The following ITGA3 variants were observed in gnomAD, a reference collection of about 807,000 sequenced individuals.
ITGA3 encodes the protein integrin subunit alpha 3.
Under a neutral mutation model 131.1 loss-of-function variants are expected in ITGA3, and 70 were observed. The ratio of observed to expected loss-of-function variants is 0.53; its 90% CI spans 0.44 to 0.65. The LOEUF is 0.65. ITGA3 is among the 30% of genes least tolerant of loss of function. The pLI, the probability that ITGA3 is intolerant of heterozygous loss-of-function variation, is 0.00. For missense variants in ITGA3, 1,098 were observed against 1,388.6 expected (o/e 0.79, Z 3.33); for synonymous variants, 537 against 571.6 (o/e 0.94, Z 0.86).
chr17:50,058,057 C>A (rs1452101538), intron 1 of ITGA3, among the ~76,000 whole-genome samples: 1 of 152,262 alleles, frequency 6.6e-6, no homozygotes, highest in Non-Finnish European at 1.5e-5. Context: ...GATTTTCAGA[C>A]TTTCAATGCC....
In ITGA3 at chr17:50,090,057, TAC is replaced by T. The variant is rs1226857973; in HGVS notation, c.*981_*982del. On this transcript the variant is annotated 3_prime_UTR_variant, in exon 26 of 26. Coordinates refer to ENST00000320031, the MANE Select transcript of ITGA3 (RefSeq NM_002204.4). ...TCTGGACAGACAGATGTTGGGAGGA[TAC>T]AGAGGAGATGCCACTTCTCACTCAC... 5 of 325,108 alleles carry T rather than the reference TAC, an allele frequency of 1.5e-5. No individual in the cohort carries two copies. The highest frequency in any genetic ancestry group is 6.3e-6 in the Non-Finnish European group (1 of 158,386). The allele number at this position is 325,108 out of a possible 1,614,324, so 20.1% of individuals were successfully genotyped here.
intron 14 of ITGA3, 104 bp downstream of exon 14, chr17:50,076,785 A>C: frequency 1.6e-6 from 2 of 1,237,766 alleles, no homozygotes; most frequent in South Asian, 1.2e-5. Flanking sequence ...GCCCAGGGAC[A>C]GGGCTTTAGC....
chr17:50,076,902 G>A (rs1245047890), intron 14 of ITGA3, 72 bp from the exon 15 acceptor site: 26 of 1,522,372 alleles, frequency 1.7e-5, no homozygotes, highest in Non-Finnish European at 2.3e-5. Context: ...AGACCCCAGG[G>A]GCGGGGCCTA....
At chr17:50,073,604 AC>A in intron 7 of ITGA3, among the ~76,000 whole-genome samples, 1 of 135,778 alleles carries the variant, frequency 7.4e-6, no homozygotes, top group African/African-American at 2.9e-5. Context: ...ACACACACAC[AC>A]ACACACACAC....
In ITGA3 at chr17:50,089,372, C is replaced by A; in HGVS notation, c.*294C>A. The A allele has an allele frequency of 2.2e-6, 2 of 909,210 alleles. No individual in the cohort carries two copies. The highest frequency in any genetic ancestry group is 3.4e-6 in the Non-Finnish European group (2 of 595,960). The allele number at this position is 909,210 out of a possible 1,614,324, so 56.3% of individuals were successfully genotyped here. Reference sequence around the variant, plus strand: ...AGGGGCCACCACCTTTGGCTGGTAGCAGCAGGCTCAGGCACATACACCTCG... The same window carrying A: ...AGGGGCCACCACCTTTGGCTGGTAGAAGCAGGCTCAGGCACATACACCTCG... On this transcript the variant is annotated 3_prime_UTR_variant, in exon 26 of 26. Coordinates refer to ENST00000320031, the MANE Select transcript of ITGA3 (RefSeq NM_002204.4).
intron 23 of ITGA3, 61 bp from the exon 24 acceptor site, chr17:50,087,682 GA>G: frequency 6.4e-7 from 1 of 1,554,564 alleles, no homozygotes; most frequent in Non-Finnish European, 8.8e-7. Context: ...GCTAGGATAG[GA>G]AGGGTGAGGA....
intron 23 of ITGA3, among the ~76,000 whole-genome samples, 198 bp downstream of exon 23, chr17:50,081,606 T>C (rs1909189194): frequency 6.6e-6 from 1 of 152,172 alleles, no homozygotes; most frequent in Non-Finnish European, 1.5e-5. Flanking sequence ...GATTCCGGGA[T>C]TGCTGTGTTT....
intron 13 of ITGA3, 43 bp from the exon 14 acceptor site, chr17:50,076,541 T>A: frequency 6.3e-7 from 1 of 1,585,868 alleles, no homozygotes; most frequent in Non-Finnish European, 8.6e-7. Flanking sequence ...GAGAGGGCAC[T>A]GGGGGGGGTG....
Position 50,064,469 on chromosome 17 carries a change from CTT to C in ITGA3, c.335-57_335-56del, listed in dbSNP as rs986971960. The C allele has an allele frequency of 7.2e-6, 11 of 1,525,466 alleles. No individual in the cohort carries two copies. The Admixed American group carries it at 1.7e-4, about 24-fold the overall frequency. The allele number at this position is 1,525,466 out of a possible 1,614,324, so 94.5% of individuals were successfully genotyped here. A position where few individuals can be genotyped will look rare whatever the true frequency, so the allele number is the denominator to read the frequency against. ...GGGACCCACTCCTGCCCTCTGGAGA[CTT>C]TGGGCACTGAAGTATGGGTGAGGTG... On this transcript the variant is annotated intron_variant, in intron 2 of 25. Transcript: ENST00000320031. This position sits in a 1 kb window ranked among gnomAD's most constrained non-coding sequence, Gnocchi z 4.4.
At position 50,064,030 on chromosome 17, in the gene ITGA3, G is replaced by A; in HGVS notation, c.207-47G>A. ...AATAAATAACAAGTTGTTCCAAGTG[G>A]GGCTTGGGGAGTCTGAACCCGGACC... On this transcript the variant is annotated intron_variant, in intron 1 of 25. Coordinates refer to ENST00000320031, the MANE Select transcript of ITGA3 (RefSeq NM_002204.4). This position sits in a 1 kb window ranked among gnomAD's most constrained non-coding sequence, Gnocchi z 4.4. 6.2e-7 allele frequency: 1 copy of A among 1,602,158 alleles called. No homozygotes were observed.
At chr17:50,080,463 GGTGTGTGTGTGT>G (rs113441627) in intron 22 of ITGA3, 88 bp downstream of exon 22, 458 of 505,710 alleles carry the variant, frequency 9.1e-4, no homozygotes, top group Non-Finnish European at 1.0e-3. Context: ...TCATAGCATG[GGTGTGTGTGTGT>G]GTGTGTGTGT....
At chr17:50,087,132 T>C (rs1909487388) in intron 23 of ITGA3, 1 of 152,104 alleles carries the variant, frequency 6.6e-6, no homozygotes, top group South Asian at 2.1e-4. Context: ...TTTTGGTGAA[T>C]ATTTATGGAG....
At chr17:50,060,785 G>A (rs1908041698) in intron 1 of ITGA3, among the ~76,000 whole-genome samples, 1 of 152,196 alleles carries the variant, frequency 6.6e-6, no homozygotes, top group Non-Finnish European at 1.5e-5. Flanking sequence ...CCTTCTGGCT[G>A]CAGCTGAGGG....
rs968194256 is a variant in ITGA3, at chr17:50,074,161, G to A, written c.1263G>A (p.Lys421=). ...RQPQQVIHGE[K]LGLPGLATFG... ...GCCCCCAGGTAATCCATGGAGAGAA[G>A]CTGGGACTGCCTGGGTTGGCCACCT... Residue 421 remains lysine, a synonymous_variant, in exon 9 of 26, where the codon AAG becomes AAA. Coordinates refer to ENST00000320031, the MANE Select transcript of ITGA3 (RefSeq NM_002204.4). 14 of 1,613,972 alleles carry A rather than the reference G, an allele frequency of 8.7e-6. No individual in the cohort carries two copies. The highest frequency in any genetic ancestry group is 1.2e-5 in the Non-Finnish European group (14 of 1,179,966).
chr17:50,066,633 G>A (rs1374137291), intron 3 of ITGA3, among the ~76,000 whole-genome samples: 1 of 152,002 alleles, frequency 6.6e-6, no homozygotes, highest in African/African-American at 2.4e-5. Flanking sequence ...AAATTAGCCC[G>A]GCATGGTGGT....
Position 50,056,157 on chromosome 17 carries a change from G to A in ITGA3, c.-283G>A, listed in dbSNP as rs534102224. The A allele has an allele frequency of 2.4e-5, 9 of 372,862 alleles. No homozygotes were observed. The highest frequency in any genetic ancestry group is 3.8e-5 in the Non-Finnish European group (8 of 209,372). The allele number at this position is 372,862 out of a possible 1,614,324, so 23.1% of individuals were successfully genotyped here. A position where few individuals can be genotyped will look rare whatever the true frequency, so the allele number is the denominator to read the frequency against. On this transcript the variant is annotated 5_prime_UTR_variant, in exon 1 of 26. Coordinates refer to ENST00000320031, the MANE Select transcript of ITGA3 (RefSeq NM_002204.4). The surrounding 1 kb of genome is among the most constrained non-coding windows in gnomAD (Gnocchi z 5.6). ...CGAAGGCGACAGCGCGGCCAAGGGGGCGCGGCCGGGACAAGCTGGGGGCCG... is the reference window on the plus strand; with the variant it reads ...CGAAGGCGACAGCGCGGCCAAGGGGACGCGGCCGGGACAAGCTGGGGGCCG...
chr17:50,069,038 C>T (rs1247562601), intron 4 of ITGA3, among the ~76,000 whole-genome samples: 6 of 151,596 alleles, frequency 4.0e-5, no homozygotes, highest in African/African-American at 9.7e-5. Flanking sequence ...TTAGTAGAGA[C>T]GGGCTTTCAC....
At chr17:50,077,495 C>G (rs1195684891) in intron 16 of ITGA3, 48 bp downstream of exon 16, 2 of 1,406,976 alleles carry the variant, frequency 1.4e-6, no homozygotes. Context: ...CCTGGCTGCA[C>G]CTCTGATGAG....
Position 50,059,584 on chromosome 17 carries a change from A to G in ITGA3, c.206+2939A>G, listed in dbSNP as rs375700675. Among the ~76,000 whole-genome samples the G allele has an allele frequency of 4.6e-5, 7 of 152,214 alleles. No homozygotes were observed. The South Asian group carries it at 1.4e-3, about 31-fold the overall frequency. On this transcript the variant is annotated intron_variant, in intron 1 of 25. Coordinates refer to ENST00000320031, the MANE Select transcript of ITGA3 (RefSeq NM_002204.4). ...GCACAGCAGCTGTGGCTGGAGGCAG[A>G]AGGCCTGCTCGTGTAGTATCTTTTT...
Sources: allele counts gnomAD v4.1 joint callset (sites outside exome capture counted in the v4.1 genomes callset), GRCh38; gene constraint gnomAD v4.1.1; non-coding constraint Gnocchi (gnomAD v3.1); transcripts MANE v1.5; gene names NCBI Gene and HGNC (gene_info 2026-07-23, HGNC 2026-07-21).